PELI2: variants seen among roughly 807,000 people sequenced by gnomAD.
PELI2 encodes the protein E3 ubiquitin-protein ligase pellino homolog 2.
Under a neutral mutation model 42.3 loss-of-function variants are expected in PELI2, and 23 were observed. That is an observed-to-expected ratio of 0.54 (90% CI 0.39 to 0.77). The LOEUF (loss-of-function observed/expected upper bound fraction) is 0.77. Among genes scored for constraint, PELI2 ranks in the 30% least tolerant of loss-of-function variants. PELI2 has a pLI of 0.00. For missense variants in PELI2, 463 were observed against 553.2 expected (o/e 0.84, Z 1.64); for synonymous variants, 245 against 212.2 (o/e 1.15, Z -1.34).
chr14:56,217,049 A>G (rs1291696396), intron 2 of PELI2, among the ~76,000 whole-genome samples: 1 of 141,564 alleles, frequency 7.1e-6, no homozygotes, highest in East Asian at 2.0e-4. Context: ...TGTTAAATAC[A>G]TTAAGGAAAG....
intron 1 of PELI2, among the ~76,000 whole-genome samples, chr14:56,152,856 A>C (rs1169216582): frequency 1.3e-5 from 2 of 152,314 alleles, no homozygotes; most frequent in Non-Finnish European, 2.9e-5. Context: ...TGTCAGTTAG[A>C]AAATATGGAT....
In PELI2 at chr14:56,118,857, A is replaced by G. The variant is rs1340910360; in HGVS notation, c.77+120A>G. The G allele has an allele frequency of 7.1e-6, 4 of 564,582 alleles. No individual in the cohort carries two copies. In the African/African-American group the frequency reaches 8.0e-5, roughly 11 times the overall value. The allele number at this position is 564,582 out of a possible 1,614,324, so 35.0% of individuals were successfully genotyped here. On this transcript the variant is annotated intron_variant, in intron 1 of 5. Transcript: ENST00000267460. ...GGACCGCCGGGGCGCTCGGGGCGGC[A>G]GGAGAGGCTCTCAGGGCCCGGACGG...
At chr14:56,210,431 GT>G (rs898446355) in intron 2 of PELI2, among the ~76,000 whole-genome samples, 10 of 148,608 alleles carry the variant, frequency 6.7e-5, no homozygotes, top group Non-Finnish European at 9.0e-5. Flanking sequence ...AATGATTTTG[GT>G]TTTTTTTTTC....
intron 2 of PELI2, among the ~76,000 whole-genome samples, chr14:56,230,192 G>T (rs1267681963): frequency 6.6e-6 from 1 of 152,178 alleles, no homozygotes; most frequent in African/African-American, 2.4e-5. Flanking sequence ...TATTATCCAG[G>T]AGAACTTCCC....
chr14:56,233,383 C>A (rs990731709), intron 2 of PELI2, among the ~76,000 whole-genome samples: 5 of 152,196 alleles, frequency 3.3e-5, no homozygotes, highest in Non-Finnish European at 5.9e-5. Context: ...ACCAAAACAG[C>A]TTGGTACTGG....
chr14:56,166,044 G>A (rs1170144423), intron 1 of PELI2, among the ~76,000 whole-genome samples: 1 of 152,078 alleles, frequency 6.6e-6, no homozygotes, highest in East Asian at 1.9e-4. Flanking sequence ...TTGTTACATG[G>A]TCTTCTCTTC....
chr14:56,300,272 G>A lies in PELI2; in HGVS notation c.*3106G>A, dbSNP rs1890134649. ...AGGAGAAAGCCATTGGAAAAATGAT[G>A]GGCTCCATTAAGGAGACTAATGAAT... On this transcript the variant is annotated 3_prime_UTR_variant, in exon 6 of 6. Coordinates refer to ENST00000267460, the MANE Select transcript of PELI2 (RefSeq NM_021255.3). 6.6e-6 allele frequency: 1 copy of A among 152,590 alleles called. No homozygotes were observed. Among genetic ancestry groups the A allele is most frequent in the Admixed American group, 6.5e-5 (1 of 15,278 alleles). 9.5% of individuals were successfully genotyped at this position (152,590 alleles called of 1,614,324 possible).
chr14:56,177,895 T>G (rs925487077), intron 1 of PELI2, among the ~76,000 whole-genome samples: 1 of 152,228 alleles, frequency 6.6e-6, no homozygotes, highest in Non-Finnish European at 1.5e-5. Context: ...CAGACAACAT[T>G]AACATGGTTT....
chr14:56,294,104 G>C (rs1038467461), intron 5 of PELI2, among the ~76,000 whole-genome samples: 2 of 152,200 alleles, frequency 1.3e-5, no homozygotes, highest in African/African-American at 4.8e-5. Flanking sequence ...GAGTCACAGT[G>C]TATGTCCTGT....
intron 2 of PELI2, among the ~76,000 whole-genome samples, chr14:56,194,996 T>C (rs1469340127): frequency 2.0e-5 from 3 of 152,210 alleles, no homozygotes. Context: ...CCCTAATGAA[T>C]GTGGGATAAT....
At chr14:56,245,804 A>C (rs1888131600) in intron 2 of PELI2, among the ~76,000 whole-genome samples, 1 of 152,274 alleles carries the variant, frequency 6.6e-6, no homozygotes, top group Non-Finnish European at 1.5e-5. Context: ...ATCAATAAGC[A>C]TAATAGCTAT....
chr14:56,130,264 CAAGG>C (rs1332914464), intron 1 of PELI2, among the ~76,000 whole-genome samples: 3 of 152,022 alleles, frequency 2.0e-5, no homozygotes, highest in Non-Finnish European at 2.9e-5. Context: ...AAATGTTTAG[CAAGG>C]GAGGTAGGTA....
chr14:56,249,717 A>G (rs1888278649), intron 2 of PELI2, among the ~76,000 whole-genome samples: 1 of 152,194 alleles, frequency 6.6e-6, no homozygotes, highest in Non-Finnish European at 1.5e-5. Context: ...GTGGCTGACA[A>G]AATGTGTGGC....
At chr14:56,166,336 C>A (rs572368078) in intron 1 of PELI2, among the ~76,000 whole-genome samples, 2 of 152,258 alleles carry the variant, frequency 1.3e-5, no homozygotes, top group Admixed American at 1.3e-4. Flanking sequence ...CTGACTATGT[C>A]TTGAAATGTT....
rs17091076 is a variant in PELI2 at position 56,138,047 on chromosome 14, C to G, written c.77+19310C>G. Among the ~76,000 whole-genome samples, 7 of 152,080 alleles carry G rather than the reference C, an allele frequency of 4.6e-5. No homozygotes were observed. The East Asian group carries it at 5.8e-4, about 13-fold the overall frequency. On this transcript the variant is annotated intron_variant, in intron 1 of 5. Coordinates refer to ENST00000267460, the MANE Select transcript of PELI2 (RefSeq NM_021255.3). ...CGTGGAGGAGGGTGCTTTGTGTGCT[C>G]GATACTCCGCGATGTGGGTCAGCCA... is the stretch of plus-strand genomic sequence containing the variant.
chr14:56,196,205 T>A (rs1185316603), intron 2 of PELI2, among the ~76,000 whole-genome samples: 1 of 152,100 alleles, frequency 6.6e-6, no homozygotes, highest in Non-Finnish European at 1.5e-5. Flanking sequence ...TCCCCACCCC[T>A]CCTTAAAATA....
intron 2 of PELI2, among the ~76,000 whole-genome samples, chr14:56,271,092 C>T (rs375856612): frequency 4.6e-5 from 7 of 152,152 alleles, no homozygotes; most frequent in Admixed American, 1.3e-4. Context: ...TCATGCCTCA[C>T]GGGATAATTA....
rs113682340 is a variant in PELI2 at position 56,160,795 on chromosome 14, A to G, written c.78-17540A>G. Among the ~76,000 whole-genome samples the G allele has an allele frequency of 2.8e-3, 433 of 152,322 alleles. 3 individuals carry two copies. The highest frequency in any genetic ancestry group is 9.9e-3 in the African/African-American group (413 of 41,570). ...TTTGAAAGAATTTTGGGATCTTTTAAAAACTGAATTTGTAACTGTGTTACT... is the reference window on the plus strand; with the variant it reads ...TTTGAAAGAATTTTGGGATCTTTTAGAAACTGAATTTGTAACTGTGTTACT... On this transcript the variant is annotated intron_variant, in intron 1 of 5. Coordinates refer to ENST00000267460, the MANE Select transcript of PELI2 (RefSeq NM_021255.3).
intron 2 of PELI2, among the ~76,000 whole-genome samples, chr14:56,232,041 C>T (rs1451426748): frequency 6.6e-6 from 1 of 152,168 alleles, no homozygotes; most frequent in Admixed American, 6.5e-5. Flanking sequence ...CACATACACC[C>T]TCCCAAGACT....
Sources: allele counts gnomAD v4.1 joint callset (sites outside exome capture counted in the v4.1 genomes callset), GRCh38; gene constraint gnomAD v4.1.1; transcripts MANE v1.5; gene names NCBI Gene and HGNC (gene_info 2026-07-23, HGNC 2026-07-21).